The following HTR4 variants were observed in gnomAD, a reference collection of about 807,000 sequenced individuals.
HTR4 encodes the protein 5-hydroxytryptamine (serotonin) receptor 4, G protein-coupled.
Under a neutral mutation model 36.8 loss-of-function variants are expected in HTR4, and 16 were observed. The observed-to-expected ratio is 0.43, with a 90% CI of 0.29 to 0.66. The LOEUF (loss-of-function observed/expected upper bound fraction) is 0.66. Among genes scored for constraint, HTR4 ranks in the 30% least tolerant of loss-of-function variants. HTR4 has a pLI of 0.13. For synonymous variants in HTR4, 189 were observed against 185.1 expected (o/e 1.02, Z -0.17); for missense variants, 438 against 490.9 (o/e 0.89, Z 1.02).
intron 1 of HTR4, 27 bp downstream of exon 1, chr5:148,654,035 G>A: frequency 1.0e-6 from 1 of 984,620 alleles, no homozygotes; most frequent in South Asian, 4.7e-5. Flanking sequence ...CTGGGGTCCC[G>A]ACCCCCGGCG....
chr5:148,453,482 C>A (rs1755021937), intron 5 of HTR4, among the ~76,000 whole-genome samples: 1 of 152,086 alleles, frequency 6.6e-6, no homozygotes, highest in South Asian at 2.1e-4. Context: ...CCTGACTGAG[C>A]CCTGTGAGAT....
intron 2 of HTR4, among the ~76,000 whole-genome samples, chr5:148,596,706 G>T (rs1352635140): frequency 6.6e-6 from 1 of 152,126 alleles, no homozygotes; most frequent in Admixed American, 6.6e-5. Context: ...AGGTGCCCCA[G>T]TTGAGAAGTA....
chr5:148,648,077 G>A (rs938046052), intron 1 of HTR4, among the ~76,000 whole-genome samples: 3 of 152,170 alleles, frequency 2.0e-5, no homozygotes, highest in Admixed American at 2.0e-4. Context: ...GTGGTAAAAT[G>A]ATAATTATAG....
At chr5:148,629,452 G>A (rs1296776504) in intron 2 of HTR4, 5 of 152,118 alleles carry the variant, frequency 3.3e-5, no homozygotes, top group African/African-American at 9.7e-5. Context: ...CATTATCAAG[G>A]AGCTTCTGCT....
At chr5:148,490,408 T>A (rs899007389) in intron 6 of HTR4, among the ~76,000 whole-genome samples, 2 of 152,054 alleles carry the variant, frequency 1.3e-5, no homozygotes, top group Non-Finnish European at 2.9e-5. Flanking sequence ...GACAGTATCA[T>A]TTCTGACATA....
At chr5:148,465,778 T>C (rs562419454) in intron 5 of HTR4, 1 of 1,558,124 alleles carries the variant, frequency 6.4e-7, no homozygotes, top group South Asian at 1.3e-5. Context: ...AAACAGACAC[T>C]TAAGGATATT....
intron 5 of HTR4, among the ~76,000 whole-genome samples, chr5:148,464,898 G>T (rs558713016): frequency 6.6e-6 from 1 of 152,090 alleles, no homozygotes; most frequent in Non-Finnish European, 1.5e-5. Flanking sequence ...GTGCCAAATC[G>T]AAATGAGCTA....
intron 2 of HTR4, among the ~76,000 whole-genome samples, chr5:148,628,067 G>A (rs1290054389): frequency 6.6e-6 from 1 of 152,194 alleles, no homozygotes; most frequent in Admixed American, 6.5e-5. Context: ...AAATTCCAGA[G>A]TGCCCAGCTT....
In HTR4 at chr5:148,654,304, G is replaced by A. The variant is rs893944542; in HGVS notation, c.-290C>T. The A allele has an allele frequency of 7.0e-5, 69 of 984,668 alleles. No individual in the cohort carries two copies. Among genetic ancestry groups the A allele is most frequent in the Non-Finnish European group, 7.4e-5 (61 of 829,408 alleles). 61.0% of individuals were successfully genotyped at this position (984,668 alleles called of 1,614,324 possible). On this transcript the variant is annotated 5_prime_UTR_variant, in exon 1 of 7. In the 5' UTR this introduces an upstream ATG that the reference lacks. Transcript: ENST00000377888. Reference sequence around the variant, plus strand: ...GGATCACCTGGGCTCGCCGCGCATCGTCCTTCTCCCCAACCGAGCCGGACT... The same window carrying A: ...GGATCACCTGGGCTCGCCGCGCATCATCCTTCTCCCCAACCGAGCCGGACT...
chr5:148,544,575 A>G lies in HTR4; in HGVS notation c.353+4093T>C, dbSNP rs558503667. 1.1e-3 allele frequency among the ~76,000 whole-genome samples: 174 copies of G among 151,622 alleles called. 4 individuals are homozygous for G. The highest frequency in any genetic ancestry group is 1.3e-3 in the Non-Finnish European group (88 of 67,618). On this transcript the variant is annotated intron_variant, in intron 4 of 6. Transcript: ENST00000377888. Reference sequence around the variant, plus strand: ...ACTACTTGGTTAGCTTTTATTCACCACAGTACTTTAGATCTTAAAAAAATC... The same window carrying G: ...ACTACTTGGTTAGCTTTTATTCACCGCAGTACTTTAGATCTTAAAAAAATC...
chr5:148,630,556 G>A (rs1369074726), intron 2 of HTR4: 3 of 152,128 alleles, frequency 2.0e-5, no homozygotes, highest in Non-Finnish European at 4.4e-5. Flanking sequence ...TACAGTCAGG[G>A]ATAAATATTC....
At chr5:148,603,190 C>A (rs1050446924) in intron 2 of HTR4, among the ~76,000 whole-genome samples, 1 of 151,576 alleles carries the variant, frequency 6.6e-6, no homozygotes, top group Non-Finnish European at 1.5e-5. Flanking sequence ...TGAATAAAAC[C>A]GCATCTAAAG....
downstream of HTR4, among the ~76,000 whole-genome samples, chr5:148,480,846 A>T (rs1755855943): frequency 6.6e-6 from 1 of 152,232 alleles, no homozygotes; most frequent in African/African-American, 2.4e-5. Flanking sequence ...AGGCACATCC[A>T]CAGTAATCCA....
intron 2 of HTR4, among the ~76,000 whole-genome samples, chr5:148,624,950 C>A (rs905149824): frequency 1.3e-5 from 2 of 152,152 alleles, no homozygotes; most frequent in African/African-American, 4.8e-5. Flanking sequence ...GCATGTTAAA[C>A]CACTAATTAC....
chr5:148,569,489 T>G (rs903949432), intron 2 of HTR4, among the ~76,000 whole-genome samples: 2 of 152,054 alleles, frequency 1.3e-5, no homozygotes, highest in Non-Finnish European at 2.9e-5. Context: ...GCATGTCCTG[T>G]GCATGTATCC....
At chr5:148,601,017 T>TA (rs1310041091) in intron 2 of HTR4, among the ~76,000 whole-genome samples, 3 of 66,586 alleles carry the variant, frequency 4.5e-5, no homozygotes, top group South Asian at 4.3e-4. Flanking sequence ...ATAATGCAAT[T>TA]AAACATTGGC....
At chr5:148,576,780 A>T (rs1760939225) in intron 2 of HTR4, among the ~76,000 whole-genome samples, 1 of 152,180 alleles carries the variant, frequency 6.6e-6, no homozygotes, top group East Asian at 1.9e-4. Flanking sequence ...CAGAAGATTG[A>T]AGCTGGACTG....
chr5:148,523,262 C>G lies in HTR4; in HGVS notation c.438G>C (p.Trp146Cys). 6.2e-7 allele frequency: 1 copy of G among 1,613,446 alleles called. No homozygotes were observed. Among genetic ancestry groups the G allele is most frequent in the Non-Finnish European group, 8.5e-7 (1 of 1,179,698 alleles). Reference sequence around the variant, plus strand: ...GAAAAGAAATAAACGTGGGGATGACCCAGCAGCCTCCCAGCATTAATGCGA... The same window carrying G: ...GAAAAGAAATAAACGTGGGGATGACGCAGCAGCCTCCCAGCATTAATGCGA... ...LRIALMLGGCWVIPTFISFLP... is the reference protein window; with the variant it reads ...LRIALMLGGCCVIPTFISFLP... The change falls in exon 5 of 7, where the codon TGG becomes TGC. Residue 146 changes from tryptophan to cysteine, a missense_variant. Coordinates refer to ENST00000377888, the MANE Select transcript of HTR4 (RefSeq NM_000870.7).
chr5:148,472,870 T>C (rs527800381), downstream of HTR4, among the ~76,000 whole-genome samples: 1 of 152,240 alleles, frequency 6.6e-6, no homozygotes, highest in African/African-American at 2.4e-5. Flanking sequence ...CTACATAAAG[T>C]TTTTGAGTAG....
Sources: gnomAD v4.1 joint callset for allele counts (sites outside exome capture counted in the v4.1 genomes callset) on GRCh38, gnomAD v4.1.1 for gene constraint, MANE v1.5 for transcripts, NCBI Gene and HGNC (gene_info 2026-07-23, HGNC 2026-07-21) for gene names.